ACSS2: variants seen among roughly 807,000 people sequenced by gnomAD.
The protein encoded by ACSS2 is acyl-CoA synthetase short chain family member 2, also known as acetyl-coenzyme A synthetase, cytoplasmic.
ACSS2 carries 58 observed loss-of-function variants against 90.6 expected under a neutral mutation model. The ratio of observed to expected loss-of-function variants is 0.64; its 90% CI spans 0.52 to 0.80. The LOEUF (loss-of-function observed/expected upper bound fraction) is 0.80, where lower values mean the gene tolerates loss of function less well. Among genes scored for constraint, ACSS2 ranks in the 30% least tolerant of loss-of-function variants. The pLI, the probability that ACSS2 is intolerant of heterozygous loss-of-function variation, is 0.00. For missense variants in ACSS2, 759 were observed against 912.0 expected, an observed-to-expected ratio of 0.83 and a Z score of 2.16; for synonymous variants, 300 against 330.9, an observed-to-expected ratio of 0.91 and a Z score of 1.01.
intron 2 of ACSS2, among the ~76,000 whole-genome samples, chr20:34,890,422 A>C (rs2146992546): frequency 6.6e-6 from 1 of 152,308 alleles, no homozygotes; most frequent in African/African-American, 2.4e-5. Flanking sequence ...ATAGTCATTC[A>C]GGGAGAGAGA....
At chr20:34,875,654 C>A (rs1601260673), upstream of ACSS2, among the ~76,000 whole-genome samples, 1 of 152,230 alleles carries the variant, frequency 6.6e-6, no homozygotes, top group Non-Finnish European at 1.5e-5. Context: ...GCCTTAGCTT[C>A]AAGCCTGACG....
At chr20:34,903,357 A>G (rs74620286) in intron 2 of ACSS2, among the ~76,000 whole-genome samples, 2 of 143,460 alleles carry the variant, frequency 1.4e-5, no homozygotes, top group Admixed American at 6.9e-5. Flanking sequence ...AAAAAAAAAA[A>G]GATCACAGAT....
intron 2 of ACSS2, among the ~76,000 whole-genome samples, chr20:34,907,866 G>A (rs1351181605): frequency 1.3e-5 from 2 of 152,150 alleles, no homozygotes; most frequent in Non-Finnish European, 2.9e-5. Flanking sequence ...GAGGGTTAAA[G>A]CCTACTGACT....
chr20:34,926,059 G>A (rs748394887), intron 15 of ACSS2, 46 bp from the exon 16 acceptor site: 1 of 1,604,298 alleles, frequency 6.2e-7, no homozygotes, highest in South Asian at 1.1e-5. Context: ...ATGGGCTGGG[G>A]CAGAGCCTGG....
At chr20:34,877,909 C>CAGACAGATAGATAGATAGAT (rs1555878357) in intron 1 of ACSS2, among the ~76,000 whole-genome samples, 22 of 146,630 alleles carry the variant, frequency 1.5e-4, no homozygotes, top group African/African-American at 3.8e-4. Context: ...GATAGATAGA[C>CAGACAGATAGATAGATAGAT]AGATAGATAG....
chr20:34,926,269 C>T lies in ACSS2; in HGVS notation c.1891C>T (p.Leu631Phe). 1 of 1,614,112 alleles carries T rather than the reference C, an allele frequency of 6.2e-7. No individual in the cohort carries two copies. The highest frequency in any genetic ancestry group is 8.5e-7 in the Non-Finnish European group (1 of 1,179,978). The change falls in exon 16 of 18, where the codon CTC becomes TTC. Residue 631 changes from leucine (L) to phenylalanine (F), a missense_variant. By Grantham distance (22) the Leu-to-Phe change is conservative. Coordinates refer to ENST00000360596, the MANE Select transcript of ACSS2 (RefSeq NM_018677.4). Reference sequence around the variant, plus strand: ...CTTCAGCCCCAAGCTCACCGAGGAGCTCAAGAAGCAGAGTAAGGAGCCTCC... The same window carrying T: ...CTTCAGCCCCAAGCTCACCGAGGAGTTCAAGAAGCAGAGTAAGGAGCCTCC... ...HTFSPKLTEE[L>F]KKQIREKIGP... is the part of the protein sequence containing the mutation.
rs777373400 is a variant in ACSS2, at chr20:34,920,990, A to G, written c.1144-16A>G. 11 of 1,614,110 alleles carry G rather than the reference A, an allele frequency of 6.8e-6. No individual in the cohort carries two copies. Among genetic ancestry groups the G allele is most frequent in the Non-Finnish European group, 7.6e-6 (9 of 1,179,962 alleles). ...CTATTAGGAAAGACTGGGAATGACC[A>G]GCCTTCATGGGTCAGTTTGAGGGGA... On this transcript the variant is annotated splice_polypyrimidine_tract_variant and intron_variant, in intron 9 of 17. Coordinates refer to ENST00000360596, the MANE Select transcript of ACSS2 (RefSeq NM_018677.4).
Position 34,913,424 on chromosome 20 carries a change from C to T in ACSS2, c.498C>T (p.Tyr166=). Residue 166 remains tyrosine, a synonymous_variant, in exon 4 of 18, where the codon TAC becomes TAT. Coordinates refer to ENST00000360596, the MANE Select transcript of ACSS2 (RefSeq NM_018677.4). The part of the protein sequence containing the change: ...GIQKGDRVAI[Y]MPMIPELVVA... ...AGAAGGGGGACCGAGTGGCCATCTA[C>T]ATGCCTATGATCCCAGAGCTTGTGG... The T allele has an allele frequency of 1.9e-6, 3 of 1,614,064 alleles. No individual in the cohort carries two copies. Among genetic ancestry groups the T allele is most frequent in the African/African-American group, 1.3e-5 (1 of 75,016 alleles).
intron 7 of ACSS2, 123 bp from the exon 8 acceptor site, chr20:34,919,312 G>A: frequency 6.9e-7 from 1 of 1,446,166 alleles, no homozygotes; most frequent in East Asian, 2.3e-5. Flanking sequence ...TCCTTGAAGG[G>A]CCTTCTCTCC....
At chr20:34,876,504 G>C (rs533920930), upstream of ACSS2, 12 of 808,674 alleles carry the variant, frequency 1.5e-5, no homozygotes, top group South Asian at 5.6e-5. Context: ...CTCTGGCACC[G>C]CCCACCCGCC....
rs1727093438 is a variant in ACSS2 at position 34,913,018 on chromosome 20, G to T, written c.375-78G>T. 15 of 1,131,192 alleles carry T rather than the reference G, an allele frequency of 1.3e-5. No homozygotes were observed. In the South Asian group the frequency reaches 1.9e-4, roughly 14 times the overall value. The allele number at this position is 1,131,192 out of a possible 1,614,324, so 70.1% of individuals were successfully genotyped here. A position where few individuals can be genotyped will look rare whatever the true frequency, so the allele number is the denominator to read the frequency against. Reference sequence around the variant, plus strand: ...TTCCAGGCCTTAGTGTCACTGAATGGATTTTATGACTCTGCCTGTTTCTTG... The same window carrying T: ...TTCCAGGCCTTAGTGTCACTGAATGTATTTTATGACTCTGCCTGTTTCTTG... On this transcript the variant is annotated intron_variant, in intron 2 of 17. Transcript: ENST00000360596.
intron 7 of ACSS2, among the ~76,000 whole-genome samples, chr20:34,918,455 A>C (rs1373702194): frequency 1.3e-5 from 2 of 152,232 alleles, no homozygotes; most frequent in Non-Finnish European, 2.9e-5. Context: ...AATTTAGAGA[A>C]GTTTCAGGAT....
intron 1 of ACSS2, among the ~76,000 whole-genome samples, chr20:34,880,951 T>C (rs1018436966): frequency 6.6e-6 from 1 of 151,734 alleles, no homozygotes; most frequent in Non-Finnish European, 1.5e-5. Context: ...TGAAATGAAA[T>C]GAGGGGGTGA....
At chr20:34,925,870 T>G in intron 15 of ACSS2, 104 bp downstream of exon 15, 1 of 1,316,206 alleles carries the variant, frequency 7.6e-7, no homozygotes, top group South Asian at 1.3e-5. Flanking sequence ...GGCCAGACCA[T>G]GTACTAAGTG....
chr20:34,919,299 C>A lies in ACSS2; in HGVS notation c.835-136C>A, dbSNP rs1293244247. 8.1e-6 allele frequency: 11 copies of A among 1,365,884 alleles called. 1 individual carries two copies. In the South Asian group the frequency reaches 1.3e-4, roughly 16 times the overall value. The allele number at this position is 1,365,884 out of a possible 1,614,324, so 84.6% of individuals were successfully genotyped here. ...CTGCTCCTGTTCTTTCTGTTCCATT[C>A]CATCCTTGAAGGGCCTTCTCTCCCT... On this transcript the variant is annotated intron_variant, in intron 7 of 17. Coordinates refer to ENST00000360596, the MANE Select transcript of ACSS2 (RefSeq NM_018677.4).
At chr20:34,913,856 C>T (rs746609250) in intron 5 of ACSS2, 31 bp downstream of exon 5, 1 of 1,596,590 alleles carries the variant, frequency 6.3e-7, no homozygotes, top group Non-Finnish European at 8.6e-7. Flanking sequence ...TTCTCCAGAA[C>T]CCCCCATACC....
chr20:34,890,652 C>T (rs190274241), intron 2 of ACSS2, among the ~76,000 whole-genome samples: 3 of 152,136 alleles, frequency 2.0e-5, no homozygotes, highest in Admixed American at 6.5e-5. Context: ...CATTTGGTAT[C>T]GTTGATTCCT....
intron 2 of ACSS2, among the ~76,000 whole-genome samples, chr20:34,904,386 G>A (rs1299422378): frequency 6.6e-6 from 1 of 152,102 alleles, no homozygotes; most frequent in East Asian, 1.9e-4. Context: ...AATGTTCTTG[G>A]TGCTTTTGCC....
Position 34,876,717 on chromosome 20 carries a change from C to A in ACSS2, c.72C>A (p.Gly24=). Residue 24 remains glycine (G), a synonymous_variant, in exon 1 of 18, where the codon GGC becomes GGA. Transcript: ENST00000360596. ...GCCAGGAGGAAGCTGGAGCCGGAGG[C>A]CGGGCGCGGAGTTGGTCTCCGCCGC... ...SRGQEEAGAG[G]RARSWSPPPE... is the part of the protein sequence containing the mutation. 2 of 1,445,288 alleles carry A rather than the reference C, an allele frequency of 1.4e-6. No homozygotes were observed. The highest frequency in any genetic ancestry group is 2.6e-5 in the Admixed American group (1 of 38,572). 89.5% of individuals were successfully genotyped at this position (1,445,288 alleles called of 1,614,324 possible).
Sources: allele counts gnomAD v4.1 joint callset (sites outside exome capture counted in the v4.1 genomes callset), GRCh38; gene constraint gnomAD v4.1.1; transcripts MANE v1.5; gene names NCBI Gene and HGNC (gene_info 2026-07-23, HGNC 2026-07-21).